JAK1: variants seen among roughly 807,000 people sequenced by gnomAD.
The protein encoded by JAK1 is tyrosine-protein kinase JAK1.
A neutral mutation model predicts 136.6 loss-of-function variants in JAK1; 16 were observed. The observed-to-expected ratio is 0.12, with a 90% CI of 0.08 to 0.18. JAK1 has a LOEUF of 0.18. JAK1 is among the 10% of genes least tolerant of loss of function. The probability of loss-of-function intolerance (pLI) is 1.00; values close to 1 mark genes in which losing one functional copy is unlikely to be tolerated. For synonymous variants in JAK1, 492 were observed against 519.5 expected (o/e 0.95, Z 0.72); for missense variants, 859 against 1,450.1 (o/e 0.59, Z 6.62).
chr1:64,839,861 G>T, intron 19 of JAK1, 66 bp from the exon 20 acceptor site: 1 of 1,373,508 alleles, frequency 7.3e-7, no homozygotes, highest in South Asian at 1.4e-5. Flanking sequence ...ACACACAGAA[G>T]TCTTGCTCCT....
rs114762856 is a variant in JAK1, at chr1:64,937,195, C to T, written c.-78+29138G>A. On this transcript the variant is annotated intron_variant, in intron 1 of 24. Transcript: ENST00000342505. The stretch of plus-strand genomic sequence containing the variant: ...GCTACCACCTGTTACTTTGACAACT[C>T]TAGCTTCAGGGCTACCAGGACCATT... Among the ~76,000 whole-genome samples the T allele has an allele frequency of 7.2e-3, 1,097 of 152,270 alleles. 14 individuals carry two copies. The highest frequency in any genetic ancestry group is 0.025 in the African/African-American group (1,047 of 41,530).
At chr1:64,898,189 C>T (rs1025925618) in intron 1 of JAK1, among the ~76,000 whole-genome samples, 11 of 152,306 alleles carry the variant, frequency 7.2e-5, no homozygotes, top group African/African-American at 2.4e-4. Flanking sequence ...CTGGTTGTCG[C>T]GTCTGGCTGG....
intron 4 of JAK1, among the ~76,000 whole-genome samples, chr1:64,878,537 T>C (rs1462007315): frequency 2.2e-5 from 3 of 139,256 alleles, no homozygotes; most frequent in Non-Finnish European, 4.7e-5. Context: ...ATATTTTATA[T>C]CATGACCTTT....
intron 2 of JAK1, among the ~76,000 whole-genome samples, chr1:65,031,916 CTT>C (rs1039346900): frequency 1.3e-5 from 2 of 149,962 alleles, no homozygotes; most frequent in African/African-American, 4.9e-5. Context: ...AAGACCCTCT[CTT>C]GATGTTAACC....
At chr1:65,023,343 A>G (rs1646952381) in intron 2 of JAK1, among the ~76,000 whole-genome samples, 1 of 151,922 alleles carries the variant, frequency 6.6e-6, no homozygotes, top group African/African-American at 2.4e-5. Flanking sequence ...CAATCCTCCC[A>G]CCTCAGCCTC....
In JAK1 at chr1:64,915,872, C is replaced by T. The variant is rs933512161; in HGVS notation, c.-77-29531G>A. Among the ~76,000 whole-genome samples the T allele has an allele frequency of 6.6e-5, 10 of 152,304 alleles. No individual in the cohort carries two copies. The East Asian group carries it at 1.7e-3, about 27-fold the overall frequency. On this transcript the variant is annotated intron_variant, in intron 1 of 24. Coordinates refer to ENST00000342505, the MANE Select transcript of JAK1 (RefSeq NM_002227.4). Reference sequence around the variant, plus strand: ...CAGAAAGACGGCATCTGCACACATGCTGAGTGCTGGGGGCCAGGATGCTAC... The same window carrying T: ...CAGAAAGACGGCATCTGCACACATGTTGAGTGCTGGGGGCCAGGATGCTAC...
intron 2 of JAK1, 101 bp from the exon 3 acceptor site, chr1:64,883,576 T>C: frequency 1.0e-6 from 1 of 960,612 alleles, no homozygotes; most frequent in South Asian, 1.5e-5. Flanking sequence ...AAACATTTGG[T>C]GTTGGTATTG....
chr1:64,911,100 T>C (rs1645277836), intron 1 of JAK1, among the ~76,000 whole-genome samples: 1 of 147,222 alleles, frequency 6.8e-6, no homozygotes, highest in Non-Finnish European at 1.5e-5. Context: ...AAAAAAACAA[T>C]TATTATCTAC....
intron 1 of JAK1, among the ~76,000 whole-genome samples, chr1:64,957,077 A>G (rs540300186): frequency 6.6e-6 from 1 of 152,268 alleles, no homozygotes; most frequent in African/African-American, 2.4e-5. Flanking sequence ...GACCTCAAGG[A>G]AGCAGTCTCA....
chr1:64,988,938 ATATGTATGTGTATATATATG>A (rs1385022199), intron 2 of JAK1, among the ~76,000 whole-genome samples: 2 of 144,840 alleles, frequency 1.4e-5, no homozygotes, highest in African/African-American at 2.6e-5. Context: ...GTGTATATAT[ATATGTATGTGTATATATATG>A]TATGTATGTA....
intron 1 of JAK1, among the ~76,000 whole-genome samples, chr1:64,946,996 T>C (rs574347726): frequency 1.3e-5 from 2 of 152,298 alleles, no homozygotes; most frequent in South Asian, 2.1e-4. Flanking sequence ...TTATAAGAAG[T>C]AGCCAGAGTA....
chr1:65,065,896 T>C (rs1648019425), intron 1 of JAK1, among the ~76,000 whole-genome samples: 1 of 150,804 alleles, frequency 6.6e-6, no homozygotes, highest in African/African-American at 2.4e-5. Context: ...TCCCTCAACC[T>C]AGGCCCAGGA....
chr1:65,022,342 T>C (rs1160943512), intron 2 of JAK1, among the ~76,000 whole-genome samples: 1 of 152,216 alleles, frequency 6.6e-6, no homozygotes, highest in Non-Finnish European at 1.5e-5. Context: ...GAGAAGTCCA[T>C]GCTAGTGAAG....
At chr1:64,973,982 T>G (rs1646476440) in intron 2 of JAK1, 1 of 152,062 alleles carries the variant, frequency 6.6e-6, no homozygotes, top group South Asian at 2.1e-4. Flanking sequence ...TATAATTCAG[T>G]AAAGAAAAAA....
At position 64,852,431 on chromosome 1, in the gene JAK1, A is replaced by G. The variant is rs1288937451; in HGVS notation, c.1649-1521T>C. Among the ~76,000 whole-genome samples, 6 of 152,180 alleles carry G rather than the reference A, an allele frequency of 3.9e-5. No individual in the cohort carries two copies. In the East Asian group the frequency reaches 1.2e-3, roughly 29 times the overall value. On this transcript the variant is annotated intron_variant, in intron 11 of 24. Coordinates refer to ENST00000342505, the MANE Select transcript of JAK1 (RefSeq NM_002227.4). ...CTCCCCTTGTTCTCACAACCTGGGCACTCTTTTTCCAGAGGCTGCTCCCTC... is the reference window on the plus strand; with the variant it reads ...CTCCCCTTGTTCTCACAACCTGGGCGCTCTTTTTCCAGAGGCTGCTCCCTC...
chr1:65,027,940 G>T, intron 2 of JAK1, among the ~76,000 whole-genome samples: 1 of 152,258 alleles, frequency 6.6e-6, no homozygotes, highest in South Asian at 2.1e-4. Context: ...TGCGTGGCAC[G>T]CTGCCACAGC....
In JAK1 at chr1:64,839,618, T is replaced by C; in HGVS notation, c.2827A>G (p.Ile943Val). ...CATAACATACCGTCTTCTGTGCAGA[T>C]TCCTTTGTACTTCACAATGTTCTCA... Reference protein sequence around the residue: ...YHENIVKYKGICTEDGGNGIK... With the variant: ...YHENIVKYKGVCTEDGGNGIK... The change falls in exon 20 of 25, where the codon ATC (isoleucine) becomes GTC (valine). Residue 943 changes from isoleucine (I) to valine (V), a missense_variant. Transcript: ENST00000342505. The C allele has an allele frequency of 6.2e-7, 1 of 1,613,882 alleles. No homozygotes were observed. Among genetic ancestry groups the C allele is most frequent in the Non-Finnish European group, 8.5e-7 (1 of 1,179,852 alleles).
rs930005974 is a variant in JAK1 at position 65,042,228 on chromosome 1, C to G, written c.-78+2252G>C. ...CAGTCTAGAGATGATTGAAAGTATA[C>G]GAGAGGATGTGCATGGGGTAAATGC... On this transcript the variant is annotated intron_variant, in intron 2 of 25. Transcript: ENST00000671954. 3.3e-5 allele frequency among the ~76,000 whole-genome samples: 5 copies of G among 152,018 alleles called. No homozygotes were observed. The South Asian group carries it at 6.2e-4, about 19-fold the overall frequency.
intron 2 of JAK1, among the ~76,000 whole-genome samples, chr1:65,020,217 C>A (rs1393901867): frequency 8.7e-5 from 12 of 138,290 alleles, no homozygotes; most frequent in Non-Finnish European, 1.8e-4. Context: ...AAGAGCAAAA[C>A]TCCGTCTCAA....
Sources: allele counts gnomAD v4.1 joint callset (sites outside exome capture counted in the v4.1 genomes callset), GRCh38; gene constraint gnomAD v4.1.1; transcripts MANE v1.5; gene names NCBI Gene and HGNC (gene_info 2026-07-23, HGNC 2026-07-21).